Variants in BBS9 observed in about 807,000 individuals in gnomAD.
BBS9 encodes the protein Bardet-Biedl syndrome 9, also known as protein PTHB1.
A neutral mutation model predicts 117.7 loss-of-function variants in BBS9; 89 were observed. That is an observed-to-expected ratio of 0.76 (90% CI 0.64 to 0.90). The LOEUF is 0.90. BBS9 is among the 40% of genes least tolerant of loss of function. The pLI is 0.00. For synonymous variants in BBS9, 379 were observed against 370.9 expected, an observed-to-expected ratio of 1.02 and a Z score of -0.25; for missense variants, 982 against 1,042.2, an observed-to-expected ratio of 0.94 and a Z score of 0.80.
chr7:33,555,758 G>A (rs961964090), intron 21 of BBS9, among the ~76,000 whole-genome samples: 1 of 152,146 alleles, frequency 6.6e-6, no homozygotes, highest in African/African-American at 2.4e-5. Flanking sequence ...CAGATCATCA[G>A]TTTAGTTTTG....
rs534789895 is a variant in BBS9, at chr7:33,216,742, A to T, written c.442+39151A>T. On this transcript the variant is annotated intron_variant, in intron 5 of 22. Transcript: ENST00000242067. ...GATATGGTATGAAGGAGTCTCTTGG[A>T]TGGGCCAAATTGCCTTTCAAAAAAT... is the stretch of plus-strand genomic sequence containing the variant. Among the ~76,000 whole-genome samples the T allele has an allele frequency of 1.2e-4, 18 of 152,308 alleles. No homozygotes were observed. In the South Asian group the frequency reaches 3.5e-3, roughly 30 times the overall value.
chr7:33,151,732 G>T (rs1793354972), intron 2 of BBS9, among the ~76,000 whole-genome samples: 2 of 151,468 alleles, frequency 1.3e-5, no homozygotes, highest in African/African-American at 4.8e-5. Flanking sequence ...TCTATTTTTA[G>T]TAGAGATAGG....
chr7:33,601,375 C>A (rs1863767946), intron 21 of BBS9, among the ~76,000 whole-genome samples: 1 of 152,096 alleles, frequency 6.6e-6, no homozygotes. Flanking sequence ...GGGATGGACT[C>A]TAAGCCAAGG....
chr7:33,281,286 T>C (rs186225835), intron 9 of BBS9, among the ~76,000 whole-genome samples: 2 of 151,536 alleles, frequency 1.3e-5, no homozygotes, highest in African/African-American at 4.8e-5. Context: ...TTCCATTTAA[T>C]TTTTTTTGTT....
intron 5 of BBS9, among the ~76,000 whole-genome samples, chr7:33,199,058 C>G (rs989859927): frequency 6.6e-6 from 1 of 151,946 alleles, no homozygotes; most frequent in Non-Finnish European, 1.5e-5. Flanking sequence ...TTGAATTGAT[C>G]AACACATAAT....
At chr7:33,193,740 T>C (rs1298569890) in intron 5 of BBS9, among the ~76,000 whole-genome samples, 3 of 152,148 alleles carry the variant, frequency 2.0e-5, no homozygotes, top group Non-Finnish European at 4.4e-5. Context: ...ACCCTCTCTT[T>C]TGTGATTTTG....
At chr7:33,618,664 G>A (rs553775138) in intron 21 of BBS9, among the ~76,000 whole-genome samples, 23 of 152,106 alleles carry the variant, frequency 1.5e-4, no homozygotes, top group Admixed American at 5.2e-4. Context: ...AGACCAGGCC[G>A]GGCAATATAT....
intron 20 of BBS9, among the ~76,000 whole-genome samples, chr7:33,526,081 C>T (rs567493108): frequency 6.6e-6 from 1 of 151,486 alleles, no homozygotes; most frequent in African/African-American, 2.4e-5. Flanking sequence ...TTGGCCTCCA[C>T]TCTCTTCTGG....
chr7:33,311,560 C>T (rs1338689925), intron 9 of BBS9, among the ~76,000 whole-genome samples: 2 of 152,230 alleles, frequency 1.3e-5, no homozygotes, highest in South Asian at 2.1e-4. Flanking sequence ...TGCTTTTTCT[C>T]CTCAAAAATG....
chr7:33,588,825 G>T (rs962513123), intron 21 of BBS9, among the ~76,000 whole-genome samples: 1 of 152,088 alleles, frequency 6.6e-6, no homozygotes, highest in African/African-American at 2.4e-5. Flanking sequence ...GGAATGGTCA[G>T]CACCATCCCT....
intron 20 of BBS9, among the ~76,000 whole-genome samples, chr7:33,524,208 C>G (rs1315589853): frequency 2.0e-5 from 3 of 149,830 alleles, no homozygotes; most frequent in Non-Finnish European, 4.4e-5. Context: ...GTCTAAAATT[C>G]TCTTTTTTGG....
chr7:33,228,587 G>T (rs1179562345), intron 5 of BBS9, among the ~76,000 whole-genome samples: 1 of 151,964 alleles, frequency 6.6e-6, no homozygotes. Flanking sequence ...ACTATTATTA[G>T]CCTACTGTTG....
At chr7:33,205,005 G>A (rs941319779) in intron 5 of BBS9, among the ~76,000 whole-genome samples, 5 of 152,088 alleles carry the variant, frequency 3.3e-5, no homozygotes, top group Admixed American at 6.5e-5. Context: ...GTTTCCCATC[G>A]ATTTTATCAG....
chr7:33,350,192 CT>C (rs1818366520), intron 13 of BBS9, among the ~76,000 whole-genome samples: 1 of 152,102 alleles, frequency 6.6e-6, no homozygotes, highest in South Asian at 2.1e-4. Context: ...TCTGCTAAGG[CT>C]TCTATCTCTT....
At chr7:33,350,566 A>G (rs1394210631) in intron 13 of BBS9, among the ~76,000 whole-genome samples, 2 of 152,160 alleles carry the variant, frequency 1.3e-5, no homozygotes, top group Admixed American at 6.5e-5. Flanking sequence ...TGTTCTACCC[A>G]TGATAAATTG....
intron 5 of BBS9, among the ~76,000 whole-genome samples, chr7:33,195,058 A>G (rs900608007): frequency 2.6e-5 from 4 of 152,178 alleles, no homozygotes; most frequent in Admixed American, 6.5e-5. Context: ...CTAATATAGT[A>G]ACTGTTATTT....
intron 19 of BBS9, among the ~76,000 whole-genome samples, chr7:33,426,238 C>T (rs1833643294): frequency 6.6e-6 from 1 of 152,126 alleles, no homozygotes; most frequent in South Asian, 2.1e-4. Flanking sequence ...ATAAAAATGG[C>T]AAATACTTAT....
At chr7:33,548,057 G>C (rs1045038523) in intron 21 of BBS9, among the ~76,000 whole-genome samples, 3 of 152,186 alleles carry the variant, frequency 2.0e-5, no homozygotes, top group African/African-American at 7.2e-5. Flanking sequence ...TAGACATGCT[G>C]GCTGGTAACT....
intron 21 of BBS9, among the ~76,000 whole-genome samples, chr7:33,629,569 T>G (rs1167537582): frequency 6.6e-6 from 1 of 152,142 alleles, no homozygotes; most frequent in Non-Finnish European, 1.5e-5. Context: ...GCCCTTTGTG[T>G]GCTGACTAAA....
Sources: allele counts gnomAD v4.1 joint callset (sites outside exome capture counted in the v4.1 genomes callset), GRCh38; gene constraint gnomAD v4.1.1; transcripts MANE v1.5; gene names NCBI Gene and HGNC (gene_info 2026-07-23, HGNC 2026-07-21).